Variants in PRKD2 observed in about 807,000 individuals in gnomAD.
PRKD2 encodes the protein serine/threonine-protein kinase D2.
A neutral mutation model predicts 86.0 loss-of-function variants in PRKD2; 22 were observed. The ratio of observed to expected loss-of-function variants is 0.26; its 90% CI spans 0.18 to 0.37. The LOEUF is 0.37. PRKD2 is among the 10% of genes least tolerant of loss of function. The pLI, the probability that PRKD2 is intolerant of heterozygous loss-of-function variation, is 1.00. For missense variants in PRKD2, 818 were observed against 1,199.2 expected, an observed-to-expected ratio of 0.68 and a Z score of 4.70; for synonymous variants, 509 against 510.9, an observed-to-expected ratio of 1.00 and a Z score of 0.05.
rs564075946 is a variant in PRKD2, at chr19:46,678,334, G to T, written c.2338+62C>A. ...GGGTCCACCCCCCTCTCATGGCTCC[G>T]CCCACTTCTCCAGCCCCACCCCACA... On this transcript the variant is annotated intron_variant, in intron 16 of 17. Coordinates refer to ENST00000291281, the MANE Select transcript of PRKD2 (RefSeq NM_016457.5). This position sits in a 1 kb window ranked among gnomAD's most constrained non-coding sequence, Gnocchi z 5.7. 3 of 1,576,640 alleles carry T rather than the reference G, an allele frequency of 1.9e-6. No homozygotes were observed. Among genetic ancestry groups the T allele is most frequent in the Non-Finnish European group, 2.6e-6 (3 of 1,163,938 alleles).
At chr19:46,681,115 C>T (rs966854971) in intron 15 of PRKD2, among the ~76,000 whole-genome samples, 4 of 149,964 alleles carry the variant, frequency 2.7e-5, no homozygotes, top group Admixed American at 6.7e-5. Context: ...CACCACGCCC[C>T]GCTAATTTTT....
rs745338514 is a variant in PRKD2 at position 46,697,724 on chromosome 19, G to A, written c.1239+9C>T. Reference sequence around the variant, plus strand: ...CTCCGCCGTACCCGGCCCCGCCCCGGCCACTCACCAGCGTGTCCTTGTTGC... The same window carrying A: ...CTCCGCCGTACCCGGCCCCGCCCCGACCACTCACCAGCGTGTCCTTGTTGC... On this transcript the variant is annotated intron_variant, in intron 8 of 17. Coordinates refer to ENST00000291281, the MANE Select transcript of PRKD2 (RefSeq NM_016457.5). The A allele has an allele frequency of 3.1e-6, 5 of 1,608,298 alleles. No homozygotes were observed. Among genetic ancestry groups the A allele is most frequent in the Non-Finnish European group, 4.3e-6 (5 of 1,175,210 alleles).
rs780669827 is a variant in PRKD2 at position 46,678,398 on chromosome 19, C to T, written c.2336G>A (p.Gly779Glu). The T allele has an allele frequency of 1.2e-6, 2 of 1,614,050 alleles. No individual in the cohort carries two copies. The highest frequency in any genetic ancestry group is 1.3e-5 in the African/African-American group (1 of 75,046). Reference protein sequence around the residue: ...PASPWSHISAGAIDLINNLLQ... With the variant: ...PASPWSHISAEAIDLINNLLQ... The stretch of plus-strand genomic sequence containing the variant: ...TGGGGTAGGCGGGCCCCAGGCACCT[C>T]CAGCTGAGATGTGGCTCCAGGGGCT... Residue 779 changes from glycine to glutamate, a missense_variant and splice_region_variant, in exon 16 of 18, where the codon GGA (glycine) becomes GAA (glutamate). Around this residue, in one of 5 missense-constraint regions of PRKD2, gnomAD observed 132 missense variants for 146.2 expected, o/e 0.90. Coordinates refer to ENST00000291281, the MANE Select transcript of PRKD2 (RefSeq NM_016457.5). The surrounding 1 kb of genome is among the most constrained non-coding windows in gnomAD (Gnocchi z 5.7).
Position 46,704,272 on chromosome 19 carries a change from C to T in PRKD2, c.786G>A (p.Lys262=). ...ELDKMLLSKV[K]VPHTFLIHSY... Reference sequence around the variant, plus strand: ...TGTGGATGAGGAAGGTGTGCGGCACCTTGACCTTGGAGAGCAGCATCTTGT... The same window carrying T: ...TGTGGATGAGGAAGGTGTGCGGCACTTTGACCTTGGAGAGCAGCATCTTGT... Residue 262 remains lysine (K), a synonymous_variant, in exon 5 of 18, where the codon AAG becomes AAA. Transcript: ENST00000291281. 6.2e-7 allele frequency: 1 copy of T among 1,614,248 alleles called. No individual in the cohort carries two copies.
chr19:46,716,432 G>T lies in PRKD2; in HGVS notation c.-62C>A. ...CGGGACCCGGCCGGGGGGCCCCGGG[G>T]GACCCTGGGTTCTAGATCCGCGGGA... is the stretch of plus-strand genomic sequence containing the variant. On this transcript the variant is annotated 5_prime_UTR_variant, in exon 1 of 18. Transcript: ENST00000291281. This position sits in a 1 kb window ranked among gnomAD's most constrained non-coding sequence, Gnocchi z 7.9. The T allele has an allele frequency of 9.2e-7, 1 of 1,088,098 alleles. No individual in the cohort carries two copies. The highest frequency in any genetic ancestry group is 1.3e-6 in the Non-Finnish European group (1 of 799,988). 67.4% of individuals were successfully genotyped at this position (1,088,098 alleles called of 1,614,324 possible).
At chr19:46,690,975 A>G (rs1472583735) in intron 12 of PRKD2, among the ~76,000 whole-genome samples, 2 of 152,202 alleles carry the variant, frequency 1.3e-5, no homozygotes, top group African/African-American at 4.8e-5. Flanking sequence ...GTCGGAATCT[A>G]GCATCTAGTT....
intron 1 of PRKD2, among the ~76,000 whole-genome samples, chr19:46,715,027 A>T (rs1421754089): frequency 6.6e-6 from 1 of 152,220 alleles, no homozygotes; most frequent in Non-Finnish European, 1.5e-5. Context: ...ATTCATTTCC[A>T]GGAGTCTGAA....
rs1159306440 is a variant in PRKD2 at position 46,680,924 on chromosome 19, CTA to C, written c.2070+724_2070+725del. ...ATAAAGTGCTATATGTTGGGATAAA[CTA>C]TATATATATATATATATATATTTTT... On this transcript the variant is annotated intron_variant, in intron 15 of 17. Transcript: ENST00000291281. Among the ~76,000 whole-genome samples, 431 of 72,428 alleles carry C rather than the reference CTA, an allele frequency of 6.0e-3. 19 individuals are homozygous for C. Among genetic ancestry groups the C allele is most frequent in the African/African-American group, 0.016 (351 of 21,456 alleles). 47.5% of individuals were successfully genotyped at this position (72,428 alleles called of 152,430 possible).
At chr19:46,698,172 C>G (rs950396491) in intron 7 of PRKD2, among the ~76,000 whole-genome samples, 1 of 152,012 alleles carries the variant, frequency 6.6e-6, no homozygotes, top group East Asian at 1.9e-4. Context: ...ACGCCACCAC[C>G]CCTGGCTAAT....
chr19:46,691,952 C>T lies in PRKD2; in HGVS notation c.1610G>A (p.Ser537Asn). 6.2e-7 allele frequency: 1 copy of T among 1,614,058 alleles called. No homozygotes were observed. Among genetic ancestry groups the T allele is most frequent in the Non-Finnish European group, 8.5e-7 (1 of 1,179,986 alleles). The change falls in exon 11 of 18, where the codon AGT becomes AAT. Residue 537 changes from serine to asparagine, a missense_variant. Ser to Asn is a conservative substitution (Grantham distance 46). This residue lies in a region of PRKD2 where 154 missense variants were observed against 359.6 expected (regional missense o/e 0.43). Transcript: ENST00000291281. ...TCTCACCACATTCTCTTGGATCTGA[C>T]TGTTGGACACAGAGATGCTCAGAGA... ...QASLSISVSN[S>N]QIQENVDIAT...
intron 9 of PRKD2, 109 bp from the exon 10 acceptor site, chr19:46,694,242 T>C (rs2053525629): frequency 7.1e-7 from 1 of 1,408,380 alleles, no homozygotes; most frequent in East Asian, 2.4e-5. Flanking sequence ...GGGCCTGGTT[T>C]GCACAGTGGT....
rs77101644 is a variant in PRKD2 at position 46,678,042 on chromosome 19, C to A, written c.2338+354G>T. On this transcript the variant is annotated intron_variant, in intron 16 of 17. Coordinates refer to ENST00000291281, the MANE Select transcript of PRKD2 (RefSeq NM_016457.5). The surrounding 1 kb of genome is among the most constrained non-coding windows in gnomAD (Gnocchi z 5.7). ...CCAGCCAATGCCTTGGGAGGCTCAG[C>A]CCCTTCTCCTGGTCACCGCAGCCCT... 2.2e-3 allele frequency among the ~76,000 whole-genome samples: 338 copies of A among 152,294 alleles called. 1 individual carries two copies. Among genetic ancestry groups the A allele is most frequent in the African/African-American group, 7.7e-3 (322 of 41,550 alleles).
At chr19:46,680,376 C>CAA in intron 15 of PRKD2, among the ~76,000 whole-genome samples, 1 of 150,330 alleles carries the variant, frequency 6.7e-6, no homozygotes, top group Non-Finnish European at 1.5e-5. Flanking sequence ...CAACCTCCAC[C>CAA]CTCCTGGGTT....
chr19:46,680,958 T>A (rs2053295963), intron 15 of PRKD2, among the ~76,000 whole-genome samples: 1 of 56,406 alleles, frequency 1.8e-5, no homozygotes, highest in African/African-American at 5.3e-5. Flanking sequence ...TTTTTTTTTT[T>A]TTTTTGAGAC....
rs555567981 is a variant in PRKD2 at position 46,711,130 on chromosome 19, G to A, written c.380-92C>T. On this transcript the variant is annotated intron_variant, in intron 2 of 17. Coordinates refer to ENST00000291281, the MANE Select transcript of PRKD2 (RefSeq NM_016457.5). Reference sequence around the variant, plus strand: ...TCCCTGATTTCTCACAGTGCTCCCAGCCGCAAGGTGTGATCTTTCCTTCCT... The same window carrying A: ...TCCCTGATTTCTCACAGTGCTCCCAACCGCAAGGTGTGATCTTTCCTTCCT... The A allele has an allele frequency of 2.7e-6, 4 of 1,455,870 alleles. No individual in the cohort carries two copies. The South Asian group carries it at 4.0e-5, about 15-fold the overall frequency. 90.2% of individuals were successfully genotyped at this position (1,455,870 alleles called of 1,614,324 possible).
chr19:46,692,549 A>C (rs1599823769), intron 10 of PRKD2, among the ~76,000 whole-genome samples: 6 of 98,552 alleles, frequency 6.1e-5, no homozygotes, highest in Admixed American at 1.3e-4. Context: ...CTTCCTACTC[A>C]CCTCCCACAG....
chr19:46,706,494 C>A (rs1194652725), intron 3 of PRKD2, among the ~76,000 whole-genome samples: 1 of 152,182 alleles, frequency 6.6e-6, no homozygotes, highest in African/African-American at 2.4e-5. Flanking sequence ...AACCATTTCC[C>A]AGTGTTGGCC....
At chr19:46,711,190 G>T in intron 2 of PRKD2, 152 bp from the exon 3 acceptor site, 2 of 1,172,614 alleles carry the variant, frequency 1.7e-6, no homozygotes, top group Admixed American at 2.5e-5. Context: ...TTCTGCCTGG[G>T]TTCAAATCCC....
chr19:46,675,751 G>C (rs991085120), intron 16 of PRKD2, among the ~76,000 whole-genome samples: 3 of 150,500 alleles, frequency 2.0e-5, no homozygotes, highest in African/African-American at 7.3e-5. Context: ...GGCCTAAATG[G>C]ATTTTCAACC....
Sources: allele counts gnomAD v4.1 joint callset (sites outside exome capture counted in the v4.1 genomes callset), GRCh38; gene constraint gnomAD v4.1.1; regional missense constraint gnomAD v4.1.1; non-coding constraint Gnocchi (gnomAD v3.1); transcripts MANE v1.5; gene names NCBI Gene and HGNC (gene_info 2026-07-23, HGNC 2026-07-21).